Variants in MED13L observed in about 807,000 individuals in gnomAD.
MED13L encodes mediator of RNA polymerase II transcription subunit 13-like.
MED13L carries 7 observed loss-of-function variants against 220.9 expected under a neutral mutation model. That is an observed-to-expected ratio of 0.03 (90% CI 0.02 to 0.06). The LOEUF is 0.06. MED13L is among the 10% of genes least tolerant of loss of function. The pLI, the probability that MED13L is intolerant of heterozygous loss-of-function variation, is 1.00. For synonymous variants in MED13L, 1,011 were observed against 1,015.2 expected, an observed-to-expected ratio of 1.00 and a Z score of 0.08; for missense variants, 1,965 against 2,760.5, an observed-to-expected ratio of 0.71 and a Z score of 6.46.
chr12:116,124,123 CGAG>C (rs1329324642), intron 2 of MED13L, among the ~76,000 whole-genome samples: 273 of 133,614 alleles, frequency 2.0e-3, no homozygotes, highest in African/African-American at 6.1e-3. Context: ...GAGAGAAAGA[CGAG>C]AGAGAGAGAG....
chr12:116,090,889 C>T (rs751442540), intron 4 of MED13L, among the ~76,000 whole-genome samples: 6 of 152,064 alleles, frequency 3.9e-5, no homozygotes, highest in African/African-American at 7.2e-5. Context: ...CTTTGGGAGG[C>T]CAAGGCAGGT....
chr12:116,229,941 T>C (rs1869393211), intron 2 of MED13L, among the ~76,000 whole-genome samples: 1 of 152,184 alleles, frequency 6.6e-6, no homozygotes, highest in Non-Finnish European at 1.5e-5. Flanking sequence ...TCAGGAAATT[T>C]ACATCAAAAC....
chr12:116,038,744 CAAAAA>C (rs63703461), intron 4 of MED13L, among the ~76,000 whole-genome samples: 11,631 of 75,232 alleles, frequency 0.15, 646 homozygotes, highest in South Asian at 0.23. Flanking sequence ...GTCAAAAGGC[CAAAAA>C]AAAAAAAAAA....
chr12:116,076,863 A>T (rs1015216289), intron 4 of MED13L, among the ~76,000 whole-genome samples: 6 of 152,172 alleles, frequency 3.9e-5, no homozygotes, highest in African/African-American at 1.4e-4. Flanking sequence ...TCTTTTATAC[A>T]TCTTGGGCCC....
intron 14 of MED13L, among the ~76,000 whole-genome samples, chr12:116,001,736 A>G (rs560509092): frequency 1.3e-5 from 2 of 152,316 alleles, no homozygotes; most frequent in African/African-American, 4.8e-5. Context: ...ATTCTGTGCT[A>G]CATTTCATAT....
intron 4 of MED13L, among the ~76,000 whole-genome samples, chr12:116,037,353 A>T (rs981481721): frequency 2.0e-5 from 3 of 152,232 alleles, no homozygotes; most frequent in African/African-American, 7.2e-5. Flanking sequence ...AAATATTTTT[A>T]AAATATTGTA....
chr12:115,975,299 T>G lies in MED13L; in HGVS notation c.5603A>C (p.Lys1868Thr), dbSNP rs565360797. Residue 1868 changes from lysine to threonine, a missense_variant, in exon 25 of 31, where the codon AAA becomes ACA. Transcript: ENST00000281928. ...IALPNRSRRS[K>T]VSARKIGLQK... ...TAGTCCAATTTTACGTGCAGATACTTTACTCCTCCGTGACCTAACAAATAA... is the reference window on the plus strand; with the variant it reads ...TAGTCCAATTTTACGTGCAGATACTGTACTCCTCCGTGACCTAACAAATAA... 1 of 1,614,124 alleles carries G rather than the reference T, an allele frequency of 6.2e-7. No individual in the cohort carries two copies. Among genetic ancestry groups the G allele is most frequent in the East Asian group, 2.2e-5 (1 of 44,872 alleles).
chr12:116,128,565 A>G (rs1875799932), intron 2 of MED13L, among the ~76,000 whole-genome samples: 1 of 152,208 alleles, frequency 6.6e-6, no homozygotes. Flanking sequence ...ACTTTAACTT[A>G]TAAAACTTCT....
Position 116,111,518 on chromosome 12 carries a change from A to G in MED13L, c.311-6T>C. 6.3e-7 allele frequency: 1 copy of G among 1,595,018 alleles called. No individual in the cohort carries two copies. Among genetic ancestry groups the G allele is most frequent in the Non-Finnish European group, 8.5e-7 (1 of 1,172,028 alleles). On this transcript the variant is annotated splice_region_variant and splice_polypyrimidine_tract_variant and intron_variant, in intron 2 of 30. Coordinates refer to ENST00000281928, the MANE Select transcript of MED13L (RefSeq NM_015335.5). Reference sequence around the variant, plus strand: ...CCAGAGTCCTTCTTCCACAACTGAAAAAAAAAAGAAAAAAGAAAAAAAAAG... The same window carrying G: ...CCAGAGTCCTTCTTCCACAACTGAAGAAAAAAAGAAAAAAGAAAAAAAAAG...
intron 2 of MED13L, among the ~76,000 whole-genome samples, chr12:116,123,751 C>A (rs1875298678): frequency 6.6e-6 from 1 of 152,138 alleles, no homozygotes; most frequent in South Asian, 2.1e-4. Flanking sequence ...CCACCCCCAG[C>A]CATGCAGCAT....
chr12:116,050,836 G>A (rs189945132), intron 4 of MED13L, among the ~76,000 whole-genome samples: 3 of 152,166 alleles, frequency 2.0e-5, no homozygotes, highest in East Asian at 3.9e-4. Flanking sequence ...CTGTTCAGGA[G>A]GCTGAGGTAG....
intron 1 of MED13L, among the ~76,000 whole-genome samples, chr12:116,246,410 C>T (rs553799347): frequency 3.9e-5 from 6 of 151,904 alleles, no homozygotes; most frequent in South Asian, 4.2e-4. Context: ...ATGACAGGTC[C>T]GTAAAGACTT....
chr12:116,098,181 G>A (rs1872768507), intron 3 of MED13L, among the ~76,000 whole-genome samples: 1 of 152,106 alleles, frequency 6.6e-6, no homozygotes, highest in Non-Finnish European at 1.5e-5. Flanking sequence ...GGGAGGCAGA[G>A]GTTGCAGTGA....
chr12:116,005,834 C>T (rs369498626), intron 13 of MED13L, 35 bp downstream of exon 13: 24 of 1,612,768 alleles, frequency 1.5e-5, no homozygotes, highest in African/African-American at 4.0e-5. Flanking sequence ...TTTCATGTAG[C>T]GAAATTTTTG....
chr12:116,271,204 C>CGTGTGT (rs140643991), intron 1 of MED13L, among the ~76,000 whole-genome samples: 1 of 149,674 alleles, frequency 6.7e-6, no homozygotes, highest in African/African-American at 2.4e-5. Flanking sequence ...GAAACAAATA[C>CGTGTGT]GTGTGTGTGT....
intron 3 of MED13L, among the ~76,000 whole-genome samples, chr12:116,098,713 T>C (rs1208947480): frequency 6.6e-6 from 1 of 152,194 alleles, no homozygotes; most frequent in African/African-American, 2.4e-5. Flanking sequence ...TCTTCCATTG[T>C]TCACAATGAA....
At chr12:116,276,636 C>A (rs1873865789) in intron 1 of MED13L, 3 of 1,195,656 alleles carry the variant, frequency 2.5e-6, no homozygotes, top group Non-Finnish European at 3.2e-6. Context: ...GGCGGGCAGG[C>A]AGCTGATCCA....
intron 4 of MED13L, among the ~76,000 whole-genome samples, chr12:116,027,329 G>C (rs149906892): frequency 7.9e-5 from 12 of 152,210 alleles, no homozygotes; most frequent in African/African-American, 1.2e-4. Context: ...GGCTGAGGTA[G>C]GAGGACAGCT....
chr12:116,182,491 T>C (rs1410325179), intron 2 of MED13L, among the ~76,000 whole-genome samples: 4 of 152,198 alleles, frequency 2.6e-5, no homozygotes, highest in Non-Finnish European at 5.9e-5. Context: ...CTGTACTCCA[T>C]ACTCTCTCTT....
Sources: gnomAD v4.1 joint callset for allele counts (sites outside exome capture counted in the v4.1 genomes callset) on GRCh38, gnomAD v4.1.1 for gene constraint, MANE v1.5 for transcripts, NCBI Gene and HGNC (gene_info 2026-07-23, HGNC 2026-07-21) for gene names.